Variants in CLRN1 observed in about 807,000 individuals in gnomAD.
The protein encoded by CLRN1 is clarin 1, also known as clarin-1.
CLRN1 carries 15 observed loss-of-function variants against 18.7 expected under a neutral mutation model. The observed-to-expected ratio is 0.80, with a 90% CI of 0.54 to 1.23. CLRN1 has a LOEUF of 1.23. CLRN1 is among the 50% of genes most tolerant of loss of function. The probability of loss-of-function intolerance (pLI) is 0.00; values close to 1 mark genes in which losing one functional copy is unlikely to be tolerated. For synonymous variants in CLRN1, 104 were observed against 102.9 expected, an observed-to-expected ratio of 1.01 and a Z score of -0.07; for missense variants, 311 against 277.5, an observed-to-expected ratio of 1.12 and a Z score of -0.86.
chr3:150,935,332 C>T (rs923317779), intron 2 of CLRN1, among the ~76,000 whole-genome samples: 2 of 132,682 alleles, frequency 1.5e-5, no homozygotes, highest in African/African-American at 5.5e-5. Context: ...GTGTGATGTT[C>T]CCCTTCCCGT....
chr3:150,948,280 C>T lies in CLRN1; in HGVS notation c.254-6519G>A, dbSNP rs994365042. ...CGGGCGGATCACGAGGTCAGGAGAT[C>T]GAGACCATCCTGGCTAACACGGTGA... On this transcript the variant is annotated intron_variant, in intron 1 of 2. Transcript: ENST00000327047. Among the ~76,000 whole-genome samples the T allele has an allele frequency of 1.1e-4, 17 of 151,824 alleles. No homozygotes were observed. In the South Asian group the frequency reaches 2.1e-3, roughly 19 times the overall value.
At chr3:150,972,798 C>T (rs749699788), upstream of CLRN1, 85 of 1,579,820 alleles carry the variant, frequency 5.4e-5, no homozygotes, top group South Asian at 7.5e-4. Context: ...GCATTTATTA[C>T]GGAAGCTGAA....
intron 1 of CLRN1, among the ~76,000 whole-genome samples, chr3:150,944,732 G>A (rs1487191268): frequency 1.3e-5 from 2 of 151,206 alleles, no homozygotes; most frequent in Non-Finnish European, 2.9e-5. Flanking sequence ...TCCAGCCTGG[G>A]CAACAGAGTG....
At chr3:150,950,056 C>T (rs566929026) in intron 1 of CLRN1, among the ~76,000 whole-genome samples, 45 of 152,080 alleles carry the variant, frequency 3.0e-4, no homozygotes, top group African/African-American at 1.0e-3. Flanking sequence ...AAACAAGCAA[C>T]GGAGGAGATA....
At chr3:150,926,394 G>T (rs1712792919), downstream of CLRN1, 1 of 286,408 alleles carries the variant, frequency 3.5e-6, no homozygotes, top group Non-Finnish European at 6.8e-6. Flanking sequence ...GACGGTCCTT[G>T]TCCTCCTAGC....
Position 150,972,578 on chromosome 3 carries a change from G to A in CLRN1, c.131C>T (p.Ala44Val). 1 of 1,614,244 alleles carries A rather than the reference G, an allele frequency of 6.2e-7. No individual in the cohort carries two copies. Among genetic ancestry groups the A allele is most frequent in the Non-Finnish European group, 8.5e-7 (1 of 1,180,054 alleles). Reference protein sequence around the residue: ...IKATVLCKTGALLVNASGQEL... With the variant: ...IKATVLCKTGVLLVNASGQEL... ...CTGCCCTGAGGCATTGACGAGCAGA[G>A]CTCCCGTTTTGCAGAGGACAGTGGC... Residue 44 changes from alanine to valine, a missense_variant, in exon 1 of 3, where the codon GCT becomes GTT. By Grantham distance (64) the Ala-to-Val change is moderately conservative (BLOSUM62 0). Transcript: ENST00000327047.
chr3:150,932,761 C>T (rs1167585643), intron 2 of CLRN1, among the ~76,000 whole-genome samples: 1 of 152,190 alleles, frequency 6.6e-6, no homozygotes, highest in African/African-American at 2.4e-5. Context: ...AGAAGTTGTT[C>T]TGACTCTACA....
In CLRN1 at chr3:150,928,132, A is replaced by T; in HGVS notation, c.503T>A (p.Ile168Asn). The T allele has an allele frequency of 1.2e-6, 2 of 1,613,322 alleles. No homozygotes were observed. Among genetic ancestry groups the T allele is most frequent in the Non-Finnish European group, 1.7e-6 (2 of 1,179,868 alleles). The change falls in exon 3 of 3, where the codon ATT (isoleucine) becomes AAT (asparagine). Residue 168 changes from isoleucine (I) to asparagine (N), a missense_variant. Ile to Asn is a moderately radical substitution (Grantham distance 149). Coordinates refer to ENST00000327047, the MANE Select transcript of CLRN1 (RefSeq NM_174878.3). ...EVKIHHLSEK[I>N]ANYKEGTYVY... is the part of the protein sequence containing the mutation. ...ATAAGTCCCTTCTTTATAATTTGCA[A>T]TTTTTTCTGAGAGGTGATGGATTTT...
At chr3:150,931,617 G>A (rs1284967237) in intron 2 of CLRN1, among the ~76,000 whole-genome samples, 2 of 152,194 alleles carry the variant, frequency 1.3e-5, no homozygotes, top group Non-Finnish European at 2.9e-5. Flanking sequence ...GTCAGAGCTT[G>A]GATACATGGT....
At chr3:150,940,662 T>C in intron 2 of CLRN1, 7 of 726,926 alleles carry the variant, frequency 9.6e-6, no homozygotes, top group Non-Finnish European at 1.5e-5. Context: ...TTGGATCTTT[T>C]TGCAAAGTTA....
intron 1 of CLRN1, among the ~76,000 whole-genome samples, chr3:150,967,040 T>C (rs917221263): frequency 6.6e-6 from 1 of 152,184 alleles, no homozygotes; most frequent in Non-Finnish European, 1.5e-5. Context: ...CAAAGCGTAA[T>C]CTCTTGTGAG....
intron 1 of CLRN1, among the ~76,000 whole-genome samples, chr3:150,957,148 A>T (rs953058652): frequency 6.6e-6 from 1 of 151,182 alleles, no homozygotes; most frequent in Non-Finnish European, 1.5e-5. Context: ...TTTCTAATTC[A>T]CTATTTACCC....
At chr3:150,937,469 C>T (rs1253953759) in intron 2 of CLRN1, among the ~76,000 whole-genome samples, 3 of 152,180 alleles carry the variant, frequency 2.0e-5, no homozygotes, top group Admixed American at 6.5e-5. Flanking sequence ...CCTACCCCAC[C>T]AGAGACTATA....
chr3:150,967,541 C>T (rs540552476), intron 1 of CLRN1, among the ~76,000 whole-genome samples: 4 of 152,254 alleles, frequency 2.6e-5, no homozygotes, highest in East Asian at 1.9e-4. Context: ...CCTCTCCTCC[C>T]CTAACCAGGT....
intron 2 of CLRN1, chr3:150,940,374 C>T: frequency 1.0e-6 from 1 of 985,824 alleles, no homozygotes; most frequent in Non-Finnish European, 1.4e-6. Flanking sequence ...CAAGTGACCT[C>T]CTGTTAACTA....
chr3:150,933,723 A>G (rs958690013), intron 2 of CLRN1, among the ~76,000 whole-genome samples: 1 of 152,174 alleles, frequency 6.6e-6, no homozygotes, highest in Non-Finnish European at 1.5e-5. Context: ...ATGATTAAGC[A>G]TTTCCTTGCA....
intron 1 of CLRN1, among the ~76,000 whole-genome samples, chr3:150,959,939 C>T (rs1459410056): frequency 1.3e-5 from 2 of 152,150 alleles, no homozygotes; most frequent in African/African-American, 2.4e-5. Context: ...TACGTAATGG[C>T]ATTAACCAGG....
chr3:150,960,606 G>T (rs1714975989), intron 1 of CLRN1, among the ~76,000 whole-genome samples: 1 of 151,910 alleles, frequency 6.6e-6, no homozygotes, highest in African/African-American at 2.4e-5. Context: ...CTGATATATT[G>T]CTCTCATTCT....
intron 1 of CLRN1, among the ~76,000 whole-genome samples, chr3:150,952,317 C>A (rs1044717266): frequency 6.6e-6 from 1 of 152,108 alleles, no homozygotes; most frequent in Non-Finnish European, 1.5e-5. Flanking sequence ...AGGCACTAAG[C>A]GCAGCTCCCA....
Sources: allele counts gnomAD v4.1 joint callset (sites outside exome capture counted in the v4.1 genomes callset), GRCh38; gene constraint gnomAD v4.1.1; transcripts MANE v1.5; gene names NCBI Gene and HGNC (gene_info 2026-07-23, HGNC 2026-07-21).